The following MLLT3 variants were observed in gnomAD, a reference collection of about 807,000 sequenced individuals.
MLLT3 encodes the protein protein AF-9.
A neutral mutation model predicts 53.2 loss-of-function variants in MLLT3; 4 were observed. That is an observed-to-expected ratio of 0.08 (90% CI 0.04 to 0.17). MLLT3 has a LOEUF of 0.17. Among genes scored for constraint, MLLT3 ranks in the 10% least tolerant of loss-of-function variants. The pLI is 1.00. For missense variants in MLLT3, 569 were observed against 684.0 expected, an observed-to-expected ratio of 0.83 and a Z score of 1.87; for synonymous variants, 283 against 230.6, an observed-to-expected ratio of 1.23 and a Z score of -2.06.
rs374038862 is a variant in MLLT3, at chr9:20,500,718, G to C, written c.194-43932C>G. Among the ~76,000 whole-genome samples, 6 of 152,204 alleles carry C rather than the reference G, an allele frequency of 3.9e-5. No homozygotes were observed. In the South Asian group the frequency reaches 1.2e-3, roughly 32 times the overall value. ...TTCTCCCAATACTGTTTTCCATCTTGTCTACTACAGTTGAGTATACCCTAT... is the reference window on the plus strand; with the variant it reads ...TTCTCCCAATACTGTTTTCCATCTTCTCTACTACAGTTGAGTATACCCTAT... On this transcript the variant is annotated intron_variant, in intron 2 of 10. Coordinates refer to ENST00000380338, the MANE Select transcript of MLLT3 (RefSeq NM_004529.4).
chr9:20,565,943 TATATATA>T (rs1563820432), intron 2 of MLLT3, among the ~76,000 whole-genome samples: 3 of 120,876 alleles, frequency 2.5e-5, no homozygotes, highest in Admixed American at 8.8e-5. Flanking sequence ...TATATTTATA[TATATATA>T]TATTTATATA....
intron 1 of MLLT3, chr9:20,622,002 G>A: frequency 1.4e-6 from 2 of 1,391,868 alleles, no homozygotes; most frequent in Non-Finnish European, 1.9e-6. Flanking sequence ...GGAGGCGCGG[G>A]GGGTGGAGGG....
At chr9:20,477,584 TAATA>T (rs913761074) in intron 2 of MLLT3, among the ~76,000 whole-genome samples, 8 of 151,938 alleles carry the variant, frequency 5.3e-5, no homozygotes, top group Non-Finnish European at 1.0e-4. Flanking sequence ...AATTTTAAAT[TAATA>T]AATAAATAAA....
chr9:20,409,702 C>T (rs1445089559), intron 5 of MLLT3, among the ~76,000 whole-genome samples: 1 of 152,200 alleles, frequency 6.6e-6, no homozygotes, highest in Non-Finnish European at 1.5e-5. Context: ...CCCACTATAA[C>T]ACAGTCCTTC....
At chr9:20,581,915 T>C (rs1269254231) in intron 2 of MLLT3, among the ~76,000 whole-genome samples, 4 of 152,182 alleles carry the variant, frequency 2.6e-5, no homozygotes. Context: ...GCCTAACCTT[T>C]TCTCTCCTAT....
At chr9:20,536,456 T>A (rs1192062523) in intron 2 of MLLT3, among the ~76,000 whole-genome samples, 1 of 152,176 alleles carries the variant, frequency 6.6e-6, no homozygotes, top group Non-Finnish European at 1.5e-5. Flanking sequence ...TTCAACCCTT[T>A]TCCCCACTGC....
intron 4 of MLLT3, among the ~76,000 whole-genome samples, chr9:20,443,162 A>G (rs1823596330): frequency 6.6e-6 from 1 of 152,112 alleles, no homozygotes; most frequent in Admixed American, 6.6e-5. Context: ...AGGCAGCAGG[A>G]ACAAACAAAC....
At chr9:20,419,521 A>C (rs2118789402) in intron 4 of MLLT3, among the ~76,000 whole-genome samples, 1 of 151,696 alleles carries the variant, frequency 6.6e-6, no homozygotes, top group South Asian at 2.1e-4. Context: ...AGCTCACTAT[A>C]CTTAAAAAAA....
chr9:20,547,816 G>A (rs1032184402), intron 2 of MLLT3, among the ~76,000 whole-genome samples: 9 of 152,132 alleles, frequency 5.9e-5, no homozygotes, highest in Admixed American at 3.9e-4. Context: ...GCCAAGTGTG[G>A]TAGTGCACAC....
At chr9:20,475,367 C>A (rs1440171105) in intron 2 of MLLT3, among the ~76,000 whole-genome samples, 1 of 152,044 alleles carries the variant, frequency 6.6e-6, no homozygotes, top group Non-Finnish European at 1.5e-5. Context: ...CACAAAGATA[C>A]CCATCAAATC....
In MLLT3 at chr9:20,360,780, C is replaced by G; in HGVS notation, c.1393G>C (p.Glu465Gln). 1 of 1,614,036 alleles carries G rather than the reference C, an allele frequency of 6.2e-7. No individual in the cohort carries two copies. The part of the protein sequence containing the change: ...SSSASSPLHH[E>Q]PPPPLLKTNN... Reference sequence around the variant, plus strand: ...GTTTTTAGTAAGGGTGGTGGAGGTTCGTGATGTAGGGGTGAAGAAGCAGAA... The same window carrying G: ...GTTTTTAGTAAGGGTGGTGGAGGTTGGTGATGTAGGGGTGAAGAAGCAGAA... The change falls in exon 8 of 11, where the codon GAA becomes CAA. Residue 465 changes from glutamate to glutamine, a missense_variant. Around this residue, in one of 5 missense-constraint regions of MLLT3, gnomAD observed 437 missense variants for 376.5 expected, o/e 1.16. Coordinates refer to ENST00000380338, the MANE Select transcript of MLLT3 (RefSeq NM_004529.4).
chr9:20,528,006 T>C (rs565305851), intron 2 of MLLT3, among the ~76,000 whole-genome samples: 5 of 152,358 alleles, frequency 3.3e-5, no homozygotes, highest in South Asian at 2.1e-4. Flanking sequence ...CCCAGTGCAA[T>C]AGAAGTTTAT....
intron 2 of MLLT3, among the ~76,000 whole-genome samples, chr9:20,616,820 C>T (rs1056922734): frequency 1.3e-5 from 2 of 152,130 alleles, no homozygotes; most frequent in Non-Finnish European, 2.9e-5. Context: ...ATTACAAAAA[C>T]AGTCACAAGA....
Position 20,345,952 on chromosome 9 carries a change from G to A in MLLT3, c.*491C>T, listed in dbSNP as rs912519150. On this transcript the variant is annotated 3_prime_UTR_variant, in exon 11 of 11. Coordinates refer to ENST00000380338, the MANE Select transcript of MLLT3 (RefSeq NM_004529.4). ...CTTGGGATGGCAAGGGTGCTGCATT[G>A]AAAGAGCATCCACGGGACCAAGTAC... The A allele has an allele frequency of 2.1e-5, 5 of 232,688 alleles. No individual in the cohort carries two copies. Among genetic ancestry groups the A allele is most frequent in the Non-Finnish European group, 8.5e-6 (1 of 117,488 alleles). 14.4% of individuals were successfully genotyped at this position (232,688 alleles called of 1,614,324 possible). A position where few individuals can be genotyped will look rare whatever the true frequency, so the allele number is the denominator to read the frequency against.
chr9:20,584,783 G>A (rs1159464272), intron 2 of MLLT3, among the ~76,000 whole-genome samples: 1 of 152,170 alleles, frequency 6.6e-6, no homozygotes, highest in African/African-American at 2.4e-5. Flanking sequence ...AGATTTGGGT[G>A]GGGGCACAGC....
intron 4 of MLLT3, among the ~76,000 whole-genome samples, chr9:20,416,768 A>C (rs953537635): frequency 6.6e-6 from 1 of 152,140 alleles, no homozygotes; most frequent in Non-Finnish European, 1.5e-5. Context: ...AAAATCTTTA[A>C]GCTAAGAGAA....
intron 2 of MLLT3, among the ~76,000 whole-genome samples, chr9:20,557,649 C>G (rs1819095668): frequency 6.6e-6 from 1 of 152,150 alleles, no homozygotes; most frequent in Non-Finnish European, 1.5e-5. Context: ...TCTATGAACC[C>G]CATTAGTCCC....
chr9:20,506,189 G>A (rs940852600), intron 2 of MLLT3, among the ~76,000 whole-genome samples: 10 of 152,016 alleles, frequency 6.6e-5, no homozygotes, highest in African/African-American at 2.4e-4. Flanking sequence ...CAAGTAGTTG[G>A]GATTACAGGT....
chr9:20,575,418 T>C (rs1418550071), intron 2 of MLLT3, among the ~76,000 whole-genome samples: 2 of 152,174 alleles, frequency 1.3e-5, no homozygotes, highest in African/African-American at 4.8e-5. Context: ...TTTTTAGCAA[T>C]AAAGCATTTT....
Sources: gnomAD v4.1 joint callset for allele counts (sites outside exome capture counted in the v4.1 genomes callset) on GRCh38, gnomAD v4.1.1 for gene constraint, gnomAD v4.1.1 regional missense constraint, MANE v1.5 for transcripts, NCBI Gene and HGNC (gene_info 2026-07-23, HGNC 2026-07-21) for gene names.